Variants in RHOU observed in about 807,000 individuals in gnomAD.
RHOU encodes rho-related GTP-binding protein RhoU.
In RHOU, 8 loss-of-function variants were observed where a neutral mutation model predicts 12.6. The observed-to-expected ratio is 0.64, with a 90% CI of 0.37 to 1.15. The LOEUF (loss-of-function observed/expected upper bound fraction) is 1.15, where lower values mean the gene tolerates loss of function less well. Among genes scored for constraint, RHOU ranks in the 50% most tolerant of loss-of-function variants. RHOU has a pLI of 0.01. For missense variants in RHOU, 258 were observed against 347.0 expected (o/e 0.74, Z 2.04); for synonymous variants, 161 against 147.4 (o/e 1.09, Z -0.67).
At chr1:228,658,624 C>G in the RHOU span, among the ~76,000 whole-genome samples, 4 of 152,126 alleles carry the variant, frequency 2.6e-5, no homozygotes, top group African/African-American at 9.7e-5. Context: ...GCAACATGAA[C>G]AAATTAAGAT....
rs1662802277 is a variant in RHOU, at chr1:228,745,153, T to C, written c.*1413T>C. Reference sequence around the variant, plus strand: ...GGCCCCCATACTTGGCTGCTTCCTGTGACAGTGAAATACATCCTTCAAGGT... The same window carrying C: ...GGCCCCCATACTTGGCTGCTTCCTGCGACAGTGAAATACATCCTTCAAGGT... On this transcript the variant is annotated 3_prime_UTR_variant, in exon 3 of 3. Coordinates refer to ENST00000366691, the MANE Select transcript of RHOU (RefSeq NM_021205.6). 6.6e-6 allele frequency: 1 copy of C among 152,180 alleles called. No homozygotes were observed. Among genetic ancestry groups the C allele is most frequent in the East Asian group, 1.9e-4 (1 of 5,202 alleles). The allele number at this position is 152,180 out of a possible 1,614,324, so 9.4% of individuals were successfully genotyped here.
At chr1:228,687,911 C>G in the RHOU span, 5 of 752,516 alleles carry the variant, frequency 6.6e-6, no homozygotes, top group Non-Finnish European at 1.2e-5. Flanking sequence ...TGTTCTCCCC[C>G]TCTCCCTCCT....
the RHOU span, among the ~76,000 whole-genome samples, chr1:228,688,798 C>T: frequency 6.6e-6 from 1 of 152,208 alleles, no homozygotes; most frequent in Non-Finnish European, 1.5e-5. Flanking sequence ...ATGAACAGGT[C>T]ACCAGCGCAG....
chr1:228,717,149 C>T, the RHOU span, among the ~76,000 whole-genome samples: 1 of 152,146 alleles, frequency 6.6e-6, no homozygotes, highest in East Asian at 1.9e-4. Context: ...GAAACAAAAG[C>T]ATTTCCTTTC....
At chr1:228,732,107 C>T (rs927185329), upstream of RHOU, among the ~76,000 whole-genome samples, 3 of 152,054 alleles carry the variant, frequency 2.0e-5, no homozygotes, top group Admixed American at 6.5e-5. Flanking sequence ...TTCTCCTTTT[C>T]TTTCTTTCTT....
upstream of RHOU, among the ~76,000 whole-genome samples, chr1:228,730,853 T>C (rs542302597): frequency 2.0e-5 from 3 of 152,332 alleles, no homozygotes; most frequent in Admixed American, 2.0e-4. Context: ...GGTGAAATGT[T>C]ATCAATAGCA....
the RHOU span, among the ~76,000 whole-genome samples, chr1:228,668,050 G>T: frequency 2.0e-5 from 3 of 151,994 alleles, no homozygotes; most frequent in African/African-American, 7.3e-5. Flanking sequence ...GTGATTAGAG[G>T]GTTACTCACC....
At chr1:228,702,802 C>T in the RHOU span, among the ~76,000 whole-genome samples, 1 of 152,160 alleles carries the variant, frequency 6.6e-6, no homozygotes, top group East Asian at 1.9e-4. Flanking sequence ...CACATATAGA[C>T]ATATAGACAC....
the RHOU span, among the ~76,000 whole-genome samples, chr1:228,705,503 ATT>A: frequency 6.6e-6 from 1 of 152,024 alleles, no homozygotes; most frequent in Admixed American, 6.6e-5. Context: ...TTAGCTAATG[ATT>A]TTTTTCCCCT....
chr1:228,700,941 T>C, the RHOU span, among the ~76,000 whole-genome samples: 12 of 151,622 alleles, frequency 7.9e-5, no homozygotes, highest in African/African-American at 2.9e-4. Flanking sequence ...ACAAAAAAAT[T>C]AGCTAGGTAG....
chr1:228,710,450 A>G, the RHOU span, among the ~76,000 whole-genome samples: 1 of 152,100 alleles, frequency 6.6e-6, no homozygotes, highest in East Asian at 1.9e-4. Flanking sequence ...CACATCAAAA[A>G]GCTTATCCAC....
the RHOU span, among the ~76,000 whole-genome samples, chr1:228,728,899 C>CT: frequency 1.3e-3 from 183 of 141,816 alleles, no homozygotes; most frequent in African/African-American, 1.6e-3. Context: ...CTTTTCTTTT[C>CT]TTTTTTTTTT....
At chr1:228,672,142 G>T in the RHOU span, among the ~76,000 whole-genome samples, 1 of 152,194 alleles carries the variant, frequency 6.6e-6, no homozygotes, top group African/African-American at 2.4e-5. Flanking sequence ...CCTTCATTTT[G>T]ATATAATTGC....
At chr1:228,708,157 G>C in the RHOU span, among the ~76,000 whole-genome samples, 2 of 152,190 alleles carry the variant, frequency 1.3e-5, no homozygotes, top group Non-Finnish European at 2.9e-5. Context: ...ATGGGACTAT[G>C]TGAAAAGACC....
Position 228,743,446 on chromosome 1 carries a change from G to T in RHOU, c.483G>T (p.Thr161=). 1.9e-6 allele frequency: 3 copies of T among 1,614,164 alleles called. No individual in the cohort carries two copies. The highest frequency in any genetic ancestry group is 3.3e-5 in the Admixed American group (2 of 60,022). The part of the protein sequence containing the change: ...CPKAPIILVG[T]QSDLREDVKV... Reference sequence around the variant, plus strand: ...AAGCCCCCATCATCCTAGTTGGAACGCAGTCGGATCTCAGAGAAGATGTCA... The same window carrying T: ...AAGCCCCCATCATCCTAGTTGGAACTCAGTCGGATCTCAGAGAAGATGTCA... Residue 161 remains threonine (T), a synonymous_variant, in exon 3 of 3, where the codon ACG becomes ACT. Coordinates refer to ENST00000366691, the MANE Select transcript of RHOU (RefSeq NM_021205.6). This position sits in a 1 kb window ranked among gnomAD's most constrained non-coding sequence, Gnocchi z 5.1.
At chr1:228,681,565 C>T in the RHOU span, among the ~76,000 whole-genome samples, 1 of 151,992 alleles carries the variant, frequency 6.6e-6, no homozygotes, top group Non-Finnish European at 1.5e-5. Context: ...AATGCCTGGA[C>T]GTAAGGCACC....
At chr1:228,726,238 G>A in the RHOU span, among the ~76,000 whole-genome samples, 1 of 152,130 alleles carries the variant, frequency 6.6e-6, no homozygotes, top group African/African-American at 2.4e-5. Context: ...AGTGATCAAG[G>A]GTGCTACTGT....
chr1:228,686,733 C>T, the RHOU span, among the ~76,000 whole-genome samples: 4 of 152,086 alleles, frequency 2.6e-5, no homozygotes, highest in African/African-American at 9.7e-5. Flanking sequence ...TAATCCCAAC[C>T]AAAAAGCAAG....
chr1:228,690,420 G>A, the RHOU span, among the ~76,000 whole-genome samples: 1 of 150,668 alleles, frequency 6.6e-6, no homozygotes. Flanking sequence ...CCGCCTCCCA[G>A]GTTCAAGCAA....
Sources: gnomAD v4.1 joint callset for allele counts (sites outside exome capture counted in the v4.1 genomes callset) on GRCh38, gnomAD v4.1.1 for gene constraint, Gnocchi (gnomAD v3.1) non-coding constraint, MANE v1.5 for transcripts, NCBI Gene and HGNC (gene_info 2026-07-23, HGNC 2026-07-21) for gene names.